ARHGEF10: variants seen among roughly 807,000 people sequenced by gnomAD.
The protein encoded by ARHGEF10 is Rho guanine nucleotide exchange factor 10.
A neutral mutation model predicts 147.4 loss-of-function variants in ARHGEF10; 140 were observed. The observed-to-expected ratio is 0.95, with a 90% CI of 0.83 to 1.09. ARHGEF10 has a LOEUF of 1.09. Ranked by LOEUF, ARHGEF10 falls within the 50% of genes least tolerant of loss-of-function variation. The pLI is 0.00. For synonymous variants in ARHGEF10, 902 were observed against 695.8 expected, an observed-to-expected ratio of 1.30 and a Z score of -4.67; for missense variants, 2,222 against 1,752.7, an observed-to-expected ratio of 1.27 and a Z score of -4.78.
intron 25 of ARHGEF10, among the ~76,000 whole-genome samples, chr8:1,930,932 C>A (rs1813089270): frequency 6.6e-6 from 1 of 152,278 alleles, no homozygotes; most frequent in African/African-American, 2.4e-5. Flanking sequence ...TGGCGGGCCT[C>A]TGGTTGCCTC....
Position 1,862,675 on chromosome 8 carries a change from G to A in ARHGEF10, c.482-1698G>A, listed in dbSNP as rs78395966. Among the ~76,000 whole-genome samples the A allele has an allele frequency of 6.4e-3, 976 of 152,322 alleles. 14 individuals are homozygous for A. The highest frequency in any genetic ancestry group is 0.055 in the East Asian group (283 of 5,172). ...GGGGAGACATTTCTCACCGTGCAGCGAGATTGCTGCTGGGCAGCACGTCCT... is the reference window on the plus strand; with the variant it reads ...GGGGAGACATTTCTCACCGTGCAGCAAGATTGCTGCTGGGCAGCACGTCCT... On this transcript the variant is annotated intron_variant, in intron 4 of 28. Coordinates refer to ENST00000349830, the MANE Select transcript of ARHGEF10 (RefSeq NM_014629.4).
chr8:1,877,110 G>T (rs933020344), intron 8 of ARHGEF10, among the ~76,000 whole-genome samples: 3 of 152,250 alleles, frequency 2.0e-5, no homozygotes, highest in African/African-American at 7.2e-5. Context: ...CAGCACATCT[G>T]CACTTTGCTT....
At position 1,853,950 on chromosome 8, in the gene ARHGEF10, C is replaced by T. The variant is rs77375820; in HGVS notation, c.38-4010C>T. On this transcript the variant is annotated intron_variant, in intron 2 of 28. Transcript: ENST00000349830. ...GCCTCCTGTAAACCAATTGCACCTG[C>T]AGTCACCTGTTTGCAGACGAGCTCA... Among the ~76,000 whole-genome samples the T allele has an allele frequency of 2.4e-3, 361 of 152,348 alleles. 4 individuals carry two copies. Among genetic ancestry groups the T allele is most frequent in the East Asian group, 0.013 (70 of 5,186 alleles).
intron 12 of ARHGEF10, among the ~76,000 whole-genome samples, chr8:1,893,913 C>T (rs972842919): frequency 6.6e-6 from 1 of 151,992 alleles, no homozygotes; most frequent in Admixed American, 6.6e-5. Context: ...GTGGCTCACC[C>T]CTGTAATCCT....
intron 26 of ARHGEF10, among the ~76,000 whole-genome samples, chr8:1,940,068 T>G (rs994977684): frequency 6.6e-6 from 1 of 152,204 alleles, no homozygotes; most frequent in Non-Finnish European, 1.5e-5. Context: ...TGCGCTGGGT[T>G]AAAAACTCCA....
intron 26 of ARHGEF10, among the ~76,000 whole-genome samples, chr8:1,935,236 C>T (rs189773715): frequency 3.9e-5 from 6 of 152,230 alleles, no homozygotes; most frequent in Non-Finnish European, 5.9e-5. Context: ...CCATCAGCCC[C>T]GTCCTGGAGT....
chr8:1,825,705 G>A (rs1054556058), intron 1 of ARHGEF10, among the ~76,000 whole-genome samples: 1 of 152,158 alleles, frequency 6.6e-6, no homozygotes, highest in Non-Finnish European at 1.5e-5. Flanking sequence ...CCAGGCAGCA[G>A]TAGACGAACT....
At chr8:1,900,292 C>T (rs559001914) in intron 15 of ARHGEF10, among the ~76,000 whole-genome samples, 177 of 152,112 alleles carry the variant, frequency 1.2e-3, no homozygotes, top group Non-Finnish European at 2.1e-3. Flanking sequence ...AAGCCTCTAC[C>T]GGGATTTTGA....
chr8:1,926,503 G>T lies in ARHGEF10; in HGVS notation c.2697+40G>T, dbSNP rs529569600. 1.1e-5 allele frequency: 18 copies of T among 1,567,478 alleles called. No individual in the cohort carries two copies. The South Asian group carries it at 1.7e-4, about 14-fold the overall frequency. On this transcript the variant is annotated intron_variant, in intron 23 of 28. Transcript: ENST00000349830. ...TTTGGTTTTGGTACAAGTTCACAGA[G>T]AATCAACGTTCATGGTCGGTGTGAT...
intron 1 of ARHGEF10, among the ~76,000 whole-genome samples, chr8:1,824,570 A>G (rs1416688199): frequency 5.7e-5 from 2 of 35,128 alleles, no homozygotes; most frequent in African/African-American, 2.4e-4. Flanking sequence ...CTACCCCACC[A>G]GTTCCCCGCA....
At chr8:1,923,299 A>G in intron 19 of ARHGEF10, 169 bp from the exon 20 acceptor site, 1 of 1,080,474 alleles carries the variant, frequency 9.3e-7, no homozygotes, top group Non-Finnish European at 1.4e-6. Flanking sequence ...TATCTTAGAA[A>G]TGTCTCAGCC....
chr8:1,926,410 C>G lies in ARHGEF10; in HGVS notation c.2644C>G (p.Leu882Val). 1 of 1,614,106 alleles carries G rather than the reference C, an allele frequency of 6.2e-7. No homozygotes were observed. Among genetic ancestry groups the G allele is most frequent in the Non-Finnish European group, 8.5e-7 (1 of 1,179,994 alleles). The change falls in exon 23 of 29, where the codon CTA becomes GTA. Residue 882 changes from leucine to valine, a missense_variant. Physicochemically the swap from Leu to Val is conservative, Grantham distance 32. Transcript: ENST00000349830. ...ECAAYNPEPY[L>V]NNESQPDSFS... The stretch of plus-strand genomic sequence containing the variant: ...TGCTGCTTATAACCCTGAACCTTAC[C>G]TAAATAATGAAAGCCAGCCAGATTC...
At chr8:1,828,891 A>AT (rs11458465) in intron 1 of ARHGEF10, among the ~76,000 whole-genome samples, 69,635 of 151,006 alleles carry the variant, frequency 0.46, 16,430 homozygotes, top group Middle Eastern at 0.56. Flanking sequence ...TCGTTTGCTT[A>AT]TTTTTTTTTT....
At chr8:1,908,226 G>GCTTTTTTTTTT (rs1811057286) in intron 17 of ARHGEF10, among the ~76,000 whole-genome samples, 1 of 101,814 alleles carries the variant, frequency 9.8e-6, no homozygotes, top group African/African-American at 4.8e-5. Flanking sequence ...CCCACACTTT[G>GCTTTTTTTTTT]ATTTTTTTTT....
chr8:1,859,867 T>C (rs1009828505), intron 3 of ARHGEF10, 30 bp from the exon 4 acceptor site: 1 of 1,613,488 alleles, frequency 6.2e-7, no homozygotes, highest in Non-Finnish European at 8.5e-7. Flanking sequence ...TGGTGATGTG[T>C]CTGCTGACAA....
chr8:1,887,704 GGA>G, intron 11 of ARHGEF10, among the ~76,000 whole-genome samples: 1 of 151,340 alleles, frequency 6.6e-6, no homozygotes, highest in African/African-American at 2.4e-5. Context: ...ACAGTGAGTG[GGA>G]TGAGGGTTTG....
At chr8:1,884,166 G>C (rs1424649886) in intron 10 of ARHGEF10, among the ~76,000 whole-genome samples, 1 of 152,124 alleles carries the variant, frequency 6.6e-6, no homozygotes, top group East Asian at 1.9e-4. Context: ...GGCCGAGGCG[G>C]GCAGATCACG....
intron 26 of ARHGEF10, among the ~76,000 whole-genome samples, chr8:1,935,547 G>A (rs1298799193): frequency 1.3e-5 from 2 of 152,204 alleles, no homozygotes; most frequent in Non-Finnish European, 2.9e-5. Flanking sequence ...TGGTTGGAAC[G>A]TGGGGACACA....
At chr8:1,838,084 T>C (rs1304211538) in intron 1 of ARHGEF10, among the ~76,000 whole-genome samples, 1 of 152,200 alleles carries the variant, frequency 6.6e-6, no homozygotes, top group African/African-American at 2.4e-5. Context: ...TGCGTCTTTG[T>C]CTGTCCTGTT....
Sources: gnomAD v4.1 joint callset for allele counts (sites outside exome capture counted in the v4.1 genomes callset) on GRCh38, gnomAD v4.1.1 for gene constraint, MANE v1.5 for transcripts, NCBI Gene and HGNC (gene_info 2026-07-23, HGNC 2026-07-21) for gene names.